The following MAPRE2 variants were observed in gnomAD, a reference collection of about 807,000 sequenced individuals.
MAPRE2 encodes microtubule-associated protein RP/EB family member 2.
Under a neutral mutation model 43.2 loss-of-function variants are expected in MAPRE2, and 13 were observed. The ratio of observed to expected loss-of-function variants is 0.30; its 90% CI spans 0.20 to 0.48. MAPRE2 has a LOEUF of 0.48. Ranked by LOEUF, MAPRE2 falls within the 20% of genes least tolerant of loss-of-function variation. The pLI, the probability that MAPRE2 is intolerant of heterozygous loss-of-function variation, is 0.99. For synonymous variants in MAPRE2, 135 were observed against 148.8 expected (o/e 0.91, Z 0.68); for missense variants, 161 against 400.2 (o/e 0.40, Z 5.10).
At chr18:35,024,217 G>T (rs1415111341) in intron 2 of MAPRE2, among the ~76,000 whole-genome samples, 2 of 152,276 alleles carry the variant, frequency 1.3e-5, no homozygotes, top group East Asian at 3.9e-4. Context: ...GAGCTATCTT[G>T]TTCTGGTACC....
chr18:35,065,346 C>T (rs1231669817), intron 1 of MAPRE2, among the ~76,000 whole-genome samples: 6 of 151,170 alleles, frequency 4.0e-5, no homozygotes, highest in Admixed American at 3.9e-4. Context: ...GAAAGCTATT[C>T]TAATATTCAT....
chr18:34,989,780 C>T lies in MAPRE2; in HGVS notation c.-70+12701C>T, dbSNP rs536421604. On this transcript the variant is annotated intron_variant, in intron 1 of 7. Transcript: ENST00000413393. ...GCATCAGCATCACCTGGGAGCATCT[C>T]ATAAATGCAGAACCTCAGGGTCTTC... 3.0e-4 allele frequency among the ~76,000 whole-genome samples: 46 copies of T among 152,148 alleles called. 1 individual carries two copies. The highest frequency in any genetic ancestry group is 8.4e-4 in the African/African-American group (35 of 41,506).
chr18:35,070,154 T>G lies in MAPRE2; in HGVS notation c.123-41T>G, dbSNP rs754026435. The G allele has an allele frequency of 1.9e-6, 3 of 1,551,808 alleles. No individual in the cohort carries two copies. In the East Asian group the frequency reaches 6.9e-5, roughly 36 times the overall value. On this transcript the variant is annotated intron_variant, in intron 1 of 6. Transcript: ENST00000300249. ...AATAGGTATCTTTTGTGTTTCTGAGTTAATTTCCTTGTTGTTAAATAAACT... is the reference window on the plus strand; with the variant it reads ...AATAGGTATCTTTTGTGTTTCTGAGGTAATTTCCTTGTTGTTAAATAAACT...
intron 4 of MAPRE2, among the ~76,000 whole-genome samples, chr18:35,112,482 C>A (rs1410323254): frequency 1.3e-5 from 2 of 152,052 alleles, no homozygotes; most frequent in African/African-American, 4.8e-5. Context: ...AACATTGTTT[C>A]TTTTACCCAA....
At chr18:35,006,796 C>G (rs1264124113) in intron 2 of MAPRE2, among the ~76,000 whole-genome samples, 1 of 152,162 alleles carries the variant, frequency 6.6e-6, no homozygotes, top group Admixed American at 6.5e-5. Context: ...AACCCTGTCT[C>G]TACTAAAAAT....
intron 4 of MAPRE2, among the ~76,000 whole-genome samples, chr18:35,116,702 G>A (rs1909425634): frequency 6.6e-6 from 1 of 152,266 alleles, no homozygotes; most frequent in Non-Finnish European, 1.5e-5. Context: ...GGGCAGTAGG[G>A]GAAGTCTCTC....
rs76525817 is a variant in MAPRE2 at position 35,014,659 on chromosome 18, G to A, written c.-8+9106G>A. Among the ~76,000 whole-genome samples, 753 of 152,174 alleles carry A rather than the reference G, an allele frequency of 4.9e-3. 6 individuals are homozygous for A. The highest frequency in any genetic ancestry group is 0.017 in the African/African-American group (725 of 41,534). ...TGTAACTAACTCTCCAGGGCCCTCT[G>A]TTGACTACAGAGATTATTGGGGACC... On this transcript the variant is annotated intron_variant, in intron 2 of 7. Coordinates refer to the MAPRE2 transcript ENST00000413393.
chr18:35,128,255 T>G (rs1302891447), intron 5 of MAPRE2, among the ~76,000 whole-genome samples: 3 of 152,222 alleles, frequency 2.0e-5, no homozygotes, highest in Admixed American at 6.5e-5. Context: ...TACCTGCTGA[T>G]TCTCAGTTTG....
chr18:35,120,452 T>C (rs1228968523), intron 4 of MAPRE2, among the ~76,000 whole-genome samples: 2 of 152,210 alleles, frequency 1.3e-5, no homozygotes, highest in African/African-American at 4.8e-5. Context: ...TGTTAAAGTT[T>C]CATTTGGATG....
intron 4 of MAPRE2, among the ~76,000 whole-genome samples, chr18:35,113,768 C>T (rs1304813617): frequency 6.6e-6 from 1 of 151,840 alleles, no homozygotes; most frequent in African/African-American, 2.4e-5. Context: ...TGGCACACAC[C>T]TGTAGTCCCA....
At chr18:35,119,824 A>G (rs1909592714) in intron 4 of MAPRE2, among the ~76,000 whole-genome samples, 1 of 152,256 alleles carries the variant, frequency 6.6e-6, no homozygotes, top group African/African-American at 2.4e-5. Context: ...TTAAATAAAA[A>G]TGAGCCTTAT....
At chr18:35,125,103 G>A (rs1019972396) in intron 4 of MAPRE2, among the ~76,000 whole-genome samples, 2 of 152,104 alleles carry the variant, frequency 1.3e-5, no homozygotes, top group Non-Finnish European at 2.9e-5. Flanking sequence ...TGTTTTTAAA[G>A]AAGTTTATTT....
At chr18:35,096,066 G>T (rs1405237203) in intron 2 of MAPRE2, among the ~76,000 whole-genome samples, 1 of 152,092 alleles carries the variant, frequency 6.6e-6, no homozygotes, top group Non-Finnish European at 1.5e-5. Context: ...TTAGATTCCT[G>T]ATGTCTTGTT....
At chr18:35,041,288 G>A (rs1003786665), upstream of MAPRE2, 15 of 1,385,730 alleles carry the variant, frequency 1.1e-5, no homozygotes, top group African/African-American at 1.2e-4. Context: ...ATTGAGGCGA[G>A]GTGATGAGTT....
At chr18:34,990,414 G>T (rs1418060594) in intron 1 of MAPRE2, among the ~76,000 whole-genome samples, 2 of 152,146 alleles carry the variant, frequency 1.3e-5, no homozygotes, top group Non-Finnish European at 2.9e-5. Context: ...ACAGGAGAGG[G>T]TAAGGAACAC....
chr18:35,093,006 G>A (rs1020796812), intron 2 of MAPRE2, among the ~76,000 whole-genome samples: 2 of 152,040 alleles, frequency 1.3e-5, no homozygotes, highest in Non-Finnish European at 2.9e-5. Context: ...GAGGTCGGTA[G>A]TTCAAGACCA....
chr18:35,140,494 A>C lies in MAPRE2; in HGVS notation c.*125A>C, dbSNP rs184355836. ...CCCAATCTGCCGTTACCATCAACGCACTGTTGCATATGCCAGCCACTGCGC... is the reference window on the plus strand; with the variant it reads ...CCCAATCTGCCGTTACCATCAACGCCCTGTTGCATATGCCAGCCACTGCGC... On this transcript the variant is annotated 3_prime_UTR_variant, in exon 7 of 7. Transcript: ENST00000300249. The C allele has an allele frequency of 2.9e-4, 270 of 925,812 alleles. No individual in the cohort carries two copies. In the African/African-American group the frequency reaches 4.0e-3, roughly 14 times the overall value. The allele number at this position is 925,812 out of a possible 1,614,324, so 57.3% of individuals were successfully genotyped here. A position where few individuals can be genotyped will look rare whatever the true frequency, so the allele number is the denominator to read the frequency against.
At chr18:35,021,531 T>C (rs943892830) in intron 2 of MAPRE2, among the ~76,000 whole-genome samples, 21 of 152,048 alleles carry the variant, frequency 1.4e-4, no homozygotes, top group African/African-American at 5.1e-4. Context: ...TAAATATCCT[T>C]AAACAGACAA....
At chr18:35,087,497 T>C (rs1907931186) in intron 2 of MAPRE2, among the ~76,000 whole-genome samples, 1 of 152,186 alleles carries the variant, frequency 6.6e-6, no homozygotes, top group Non-Finnish European at 1.5e-5. Context: ...TGAGTGGCTT[T>C]AAAAAATTTT....
Sources: gnomAD v4.1 joint callset for allele counts (sites outside exome capture counted in the v4.1 genomes callset) on GRCh38, gnomAD v4.1.1 for gene constraint, MANE v1.5 for transcripts, NCBI Gene and HGNC (gene_info 2026-07-23, HGNC 2026-07-21) for gene names.